HPCAL1: variants seen among roughly 807,000 people sequenced by gnomAD.
HPCAL1 encodes hippocalcin like 1, also known as hippocalcin-like protein 1.
A neutral mutation model predicts 17.1 loss-of-function variants in HPCAL1; 8 were observed. The ratio of observed to expected loss-of-function variants is 0.47; its 90% CI spans 0.27 to 0.84. HPCAL1 has a LOEUF of 0.84. Among genes scored for constraint, HPCAL1 ranks in the 40% least tolerant of loss-of-function variants. The pLI is 0.13. For synonymous variants in HPCAL1, 112 were observed against 111.4 expected (o/e 1.01, Z -0.03); for missense variants, 165 against 271.1 (o/e 0.61, Z 2.75).
chr2:10,338,187 T>A (rs1558630), intron 1 of HPCAL1, among the ~76,000 whole-genome samples: 1 of 151,836 alleles, frequency 6.6e-6, no homozygotes, highest in Non-Finnish European at 1.5e-5. Context: ...GGAGGAGGGA[T>A]GGGAAGCGAC....
At chr2:10,346,633 G>A (rs1010578873) in intron 1 of HPCAL1, among the ~76,000 whole-genome samples, 13 of 152,168 alleles carry the variant, frequency 8.5e-5, no homozygotes, top group Admixed American at 3.9e-4. Flanking sequence ...CCACAGACCC[G>A]GGACTGGCAT....
At chr2:10,336,001 T>C (rs1335153745) in intron 1 of HPCAL1, among the ~76,000 whole-genome samples, 1 of 139,974 alleles carries the variant, frequency 7.1e-6, no homozygotes, top group Non-Finnish European at 1.6e-5. Flanking sequence ...TAATTGCATG[T>C]TCGTATCCTC....
intron 1 of HPCAL1, among the ~76,000 whole-genome samples, chr2:10,327,745 AT>A (rs1664105491): frequency 6.6e-6 from 1 of 152,122 alleles, no homozygotes; most frequent in Non-Finnish European, 1.5e-5. Context: ...CCAGGACTTA[AT>A]TTTGGCCAAG....
chr2:10,399,010 C>T (rs1462876323), intron 2 of HPCAL1, among the ~76,000 whole-genome samples: 1 of 151,946 alleles, frequency 6.6e-6, no homozygotes, highest in Admixed American at 6.6e-5. Flanking sequence ...ATACAAATGT[C>T]CTGGCCCGAG....
chr2:10,399,062 G>A (rs1014993002), intron 2 of HPCAL1, among the ~76,000 whole-genome samples: 1 of 151,858 alleles, frequency 6.6e-6, no homozygotes, highest in Non-Finnish European at 1.5e-5. Context: ...GCCTGGCCCG[G>A]CAGGTCGTGC....
chr2:10,361,148 G>A (rs879777631), intron 1 of HPCAL1, among the ~76,000 whole-genome samples: 4 of 148,610 alleles, frequency 2.7e-5, no homozygotes, highest in African/African-American at 5.0e-5. Flanking sequence ...AGTGCTGGAC[G>A]GTGGCCAGTG....
intron 1 of HPCAL1, among the ~76,000 whole-genome samples, chr2:10,390,013 CAAATG>C (rs1668588618): frequency 6.6e-6 from 1 of 152,198 alleles, no homozygotes; most frequent in African/African-American, 2.4e-5. Flanking sequence ...GACAAGAGCT[CAAATG>C]CCCTGGTAGT....
intron 1 of HPCAL1, among the ~76,000 whole-genome samples, chr2:10,309,815 A>C (rs1163667675): frequency 6.6e-6 from 1 of 152,216 alleles, no homozygotes; most frequent in Non-Finnish European, 1.5e-5. Flanking sequence ...GCCATTTGAC[A>C]GATGCACAAA....
At chr2:10,317,322 C>A (rs1663379621) in intron 1 of HPCAL1, among the ~76,000 whole-genome samples, 1 of 152,134 alleles carries the variant, frequency 6.6e-6, no homozygotes, top group East Asian at 1.9e-4. Context: ...ACCCCCTATC[C>A]AAAACAGCCA....
intron 3 of HPCAL1, among the ~76,000 whole-genome samples, chr2:10,422,462 G>A (rs1671124691): frequency 6.6e-6 from 1 of 152,182 alleles, no homozygotes; most frequent in African/African-American, 2.4e-5. Context: ...GAGACCAGTG[G>A]CTAGACTGAG....
intron 1 of HPCAL1, among the ~76,000 whole-genome samples, chr2:10,379,499 G>A (rs995453407): frequency 6.6e-6 from 1 of 151,924 alleles, no homozygotes; most frequent in Admixed American, 6.5e-5. Context: ...TTCTGCAATG[G>A]GAGCTGAGCA....
Position 10,331,686 on chromosome 2 carries a change from GTC to G in HPCAL1, c.-111+28513_-111+28514del, listed in dbSNP as rs1279560017. Reference sequence around the variant, plus strand: ...GCACGCCCGGCTGTCAGAGGCATCTGTCTCTTCCCCCGCATGCATCTTTCTCC... The same window carrying G: ...GCACGCCCGGCTGTCAGAGGCATCTGTCTTCCCCCGCATGCATCTTTCTCC... On this transcript the variant is annotated intron_variant, in intron 1 of 4. Coordinates refer to ENST00000307845, the MANE Select transcript of HPCAL1 (RefSeq NM_002149.4). This position sits in a 1 kb window ranked among gnomAD's most constrained non-coding sequence, Gnocchi z 5.0. Among the ~76,000 whole-genome samples the G allele has an allele frequency of 1.3e-5, 2 of 152,164 alleles. No homozygotes were observed. Among genetic ancestry groups the G allele is most frequent in the East Asian group, 1.9e-4 (1 of 5,192 alleles).
chr2:10,388,002 C>A (rs796620751), intron 1 of HPCAL1, among the ~76,000 whole-genome samples: 2 of 152,202 alleles, frequency 1.3e-5, no homozygotes, highest in African/African-American at 4.8e-5. Context: ...GGCCTGGATG[C>A]TTTTTCTTCC....
chr2:10,334,585 C>T (rs1053433001), intron 1 of HPCAL1, among the ~76,000 whole-genome samples: 2 of 151,876 alleles, frequency 1.3e-5, no homozygotes, highest in African/African-American at 4.8e-5. Flanking sequence ...GTAATTTGTT[C>T]TTGACTACTT....
chr2:10,423,106 C>G lies in HPCAL1; in HGVS notation c.484+18C>G. 1 of 1,547,326 alleles carries G rather than the reference C, an allele frequency of 6.5e-7. No individual in the cohort carries two copies. The highest frequency in any genetic ancestry group is 1.4e-5 in the African/African-American group (1 of 73,666). On this transcript the variant is annotated intron_variant, in intron 4 of 4. Coordinates refer to ENST00000307845, the MANE Select transcript of HPCAL1 (RefSeq NM_002149.4). ...CAATGACGGTAGTGCGGGGTGGGGG[C>G]GGGGCTGCATGTGTACGCCACGGTA...
At chr2:10,349,959 C>A (rs1424923960) in intron 1 of HPCAL1, among the ~76,000 whole-genome samples, 1 of 152,034 alleles carries the variant, frequency 6.6e-6, no homozygotes, top group Non-Finnish European at 1.5e-5. Flanking sequence ...GAACTAGCAC[C>A]AAATCCTTGC....
chr2:10,418,735 C>A (rs1670841949), intron 2 of HPCAL1, among the ~76,000 whole-genome samples: 1 of 152,068 alleles, frequency 6.6e-6, no homozygotes. Flanking sequence ...CGTGTGAATG[C>A]CGGTTGATCA....
intron 2 of HPCAL1, 39 bp downstream of exon 2, chr2:10,396,959 G>A (rs1669087476): frequency 6.6e-6 from 1 of 152,430 alleles, no homozygotes; most frequent in Non-Finnish European, 1.5e-5. Flanking sequence ...CAGGGTGGGT[G>A]AGGACTGAGG....
chr2:10,355,320 G>A (rs550136670), intron 1 of HPCAL1, among the ~76,000 whole-genome samples: 36 of 149,990 alleles, frequency 2.4e-4, no homozygotes, highest in South Asian at 6.3e-4. Context: ...GCGTAGTGGC[G>A]GGCGCCTGTA....
Sources: allele counts gnomAD v4.1 joint callset (sites outside exome capture counted in the v4.1 genomes callset), GRCh38; gene constraint gnomAD v4.1.1; non-coding constraint Gnocchi (gnomAD v3.1); transcripts MANE v1.5; gene names NCBI Gene and HGNC (gene_info 2026-07-23, HGNC 2026-07-21).